Variants in SGCD observed in about 807,000 individuals in gnomAD.
SGCD encodes sarcoglycan delta, also known as delta-sarcoglycan.
In SGCD, 18 loss-of-function variants were observed where a neutral mutation model predicts 36.6. The ratio of observed to expected loss-of-function variants is 0.49; its 90% confidence interval spans 0.34 to 0.73. The LOEUF (loss-of-function observed/expected upper bound fraction) is 0.73, where lower values mean the gene tolerates loss of function less well. Among genes scored for constraint, SGCD ranks in the 30% least tolerant of loss-of-function variants. SGCD has a pLI of 0.01. For synonymous variants in SGCD, 133 were observed against 130.6 expected (o/e 1.02, Z -0.12); for missense variants, 387 against 346.7 (o/e 1.12, Z -0.92).
chr5:155,784,790 G>A, the SGCD span, among the ~76,000 whole-genome samples: 99 of 152,036 alleles, frequency 6.5e-4, no homozygotes, highest in African/African-American at 2.4e-3. Context: ...TGATGAAATT[G>A]GTCAGATTAT....
At chr5:156,440,237 C>T (rs930818359) in intron 3 of SGCD, among the ~76,000 whole-genome samples, 2 of 152,142 alleles carry the variant, frequency 1.3e-5, no homozygotes, top group Admixed American at 6.6e-5. Context: ...AATCATACAA[C>T]ATTTGGCTTT....
intron 1 of SGCD, among the ~76,000 whole-genome samples, chr5:155,958,777 G>A (rs1050376979): frequency 6.6e-6 from 1 of 152,058 alleles, no homozygotes; most frequent in Admixed American, 6.6e-5. Flanking sequence ...TACCTCAAAG[G>A]GTTGCTGTGA....
chr5:155,786,362 G>C, the SGCD span, among the ~76,000 whole-genome samples: 1 of 152,166 alleles, frequency 6.6e-6, no homozygotes, highest in Admixed American at 6.6e-5. Context: ...CATATGCCCA[G>C]CTTAGCCACC....
At chr5:156,143,264 T>C (rs190460479) in intron 3 of SGCD, among the ~76,000 whole-genome samples, 2 of 152,284 alleles carry the variant, frequency 1.3e-5, no homozygotes, top group East Asian at 3.9e-4. Context: ...CTTGGGAGCC[T>C]TTGCCAAGAT....
chr5:156,415,228 C>G (rs993437638), intron 3 of SGCD, among the ~76,000 whole-genome samples: 2 of 152,034 alleles, frequency 1.3e-5, no homozygotes, highest in Admixed American at 1.3e-4. Flanking sequence ...TGAAACCAGA[C>G]CAGCCACAGT....
chr5:156,524,598 G>T (rs1324132058), intron 4 of SGCD, among the ~76,000 whole-genome samples: 3 of 151,778 alleles, frequency 2.0e-5, no homozygotes, highest in South Asian at 2.1e-4. Flanking sequence ...CATGTGGTGA[G>T]AATACCTAAG....
intron 3 of SGCD, among the ~76,000 whole-genome samples, chr5:156,429,423 T>C (rs1773830782): frequency 6.6e-6 from 1 of 152,028 alleles, no homozygotes; most frequent in African/African-American, 2.4e-5. Flanking sequence ...AGTGAGTATC[T>C]TGAAGACAGC....
intron 3 of SGCD, among the ~76,000 whole-genome samples, chr5:156,188,394 G>C (rs1253784950): frequency 6.6e-6 from 1 of 152,178 alleles, no homozygotes; most frequent in African/African-American, 2.4e-5. Context: ...GCAGGATAAA[G>C]GTAGTGGCTA....
At chr5:155,953,920 G>A (rs1003262823) in intron 1 of SGCD, among the ~76,000 whole-genome samples, 1 of 152,192 alleles carries the variant, frequency 6.6e-6, no homozygotes, top group South Asian at 2.1e-4. Flanking sequence ...TACCTACTGA[G>A]AATTTAATGT....
At chr5:156,349,439 C>A (rs1399862797) in intron 3 of SGCD, among the ~76,000 whole-genome samples, 2 of 151,398 alleles carry the variant, frequency 1.3e-5, no homozygotes, top group Non-Finnish European at 2.9e-5. Context: ...GGGCAAATGG[C>A]ATGAATAGAA....
At chr5:156,411,810 C>T (rs747410923) in intron 3 of SGCD, among the ~76,000 whole-genome samples, 1 of 152,194 alleles carries the variant, frequency 6.6e-6, no homozygotes, top group Non-Finnish European at 1.5e-5. Flanking sequence ...ACTTCTCAGC[C>T]ACATTCGGGC....
At chr5:155,887,544 T>C (rs1253052881) in intron 1 of SGCD, among the ~76,000 whole-genome samples, 2 of 152,178 alleles carry the variant, frequency 1.3e-5, no homozygotes, top group African/African-American at 2.4e-5. Context: ...CTTTATTTCT[T>C]AGCTGTGTGA....
chr5:155,829,389 A>G, the SGCD span, among the ~76,000 whole-genome samples: 3 of 151,794 alleles, frequency 2.0e-5, no homozygotes, highest in African/African-American at 7.3e-5. Context: ...TGCTACAGCC[A>G]TCAGCCTCAC....
chr5:156,602,827 G>C (rs1021732992), intron 6 of SGCD, among the ~76,000 whole-genome samples: 2 of 152,010 alleles, frequency 1.3e-5, no homozygotes, highest in Non-Finnish European at 2.9e-5. Flanking sequence ...TTAATTTGCT[G>C]TTAAATTCAG....
intron 3 of SGCD, among the ~76,000 whole-genome samples, chr5:156,191,745 G>A (rs1208050401): frequency 6.6e-6 from 1 of 152,192 alleles, no homozygotes; most frequent in East Asian, 1.9e-4. Context: ...TGTCAATCTG[G>A]ATCACAGCTC....
intron 4 of SGCD, among the ~76,000 whole-genome samples, chr5:156,559,460 A>G (rs1178478019): frequency 1.3e-5 from 2 of 152,192 alleles, no homozygotes; most frequent in African/African-American, 4.8e-5. Flanking sequence ...GTCTAGATAG[A>G]TGTTCAGGGT....
At chr5:155,940,929 G>A (rs546181478) in intron 1 of SGCD, among the ~76,000 whole-genome samples, 1 of 152,236 alleles carries the variant, frequency 6.6e-6, no homozygotes, top group East Asian at 1.9e-4. Flanking sequence ...ATCATTTCAT[G>A]AGGAGTGTCT....
chr5:156,606,237 G>C (rs999532823), intron 6 of SGCD, among the ~76,000 whole-genome samples: 4 of 152,190 alleles, frequency 2.6e-5, no homozygotes, highest in African/African-American at 9.7e-5. Context: ...GTCTAAGGAA[G>C]GGATCCAGTT....
intron 3 of SGCD, among the ~76,000 whole-genome samples, chr5:156,180,768 G>A (rs897844055): frequency 5.3e-5 from 8 of 152,324 alleles, no homozygotes; most frequent in African/African-American, 1.9e-4. Context: ...GGGAAGAGAT[G>A]TATGGATTTG....
Sources: allele counts gnomAD v4.1 joint callset (sites outside exome capture counted in the v4.1 genomes callset), GRCh38; gene constraint gnomAD v4.1.1; transcripts MANE v1.5; gene names NCBI Gene and HGNC (gene_info 2026-07-23, HGNC 2026-07-21).